Variants in ANKRD13C observed in about 807,000 individuals in gnomAD.
ANKRD13C encodes the protein ankyrin repeat domain 13C, also known as ankyrin repeat domain-containing protein 13C.
Under a neutral mutation model 65.5 loss-of-function variants are expected in ANKRD13C, and 16 were observed. The observed-to-expected ratio is 0.24, with a 90% CI of 0.17 to 0.37. ANKRD13C has a LOEUF of 0.37. Among genes scored for constraint, ANKRD13C ranks in the 10% least tolerant of loss-of-function variants. ANKRD13C has a pLI of 1.00. For synonymous variants in ANKRD13C, 235 were observed against 238.7 expected, an observed-to-expected ratio of 0.98 and a Z score of 0.14; for missense variants, 503 against 655.9, an observed-to-expected ratio of 0.77 and a Z score of 2.55.
rs1282454964 is a variant in ANKRD13C at position 70,352,027 on chromosome 1, A to G, written c.430+1952T>C. Among the ~76,000 whole-genome samples the G allele has an allele frequency of 3.3e-5, 5 of 152,112 alleles. No homozygotes were observed. In the East Asian group the frequency reaches 9.6e-4, roughly 29 times the overall value. The stretch of plus-strand genomic sequence containing the variant: ...TGATATAAGGTCAGCTAAACACAAT[A>G]AAAACCTTCCTTTAAAAAAGTGAAT... On this transcript the variant is annotated intron_variant, in intron 1 of 12. Coordinates refer to ENST00000370944, the MANE Select transcript of ANKRD13C (RefSeq NM_030816.5).
intron 5 of ANKRD13C, among the ~76,000 whole-genome samples, chr1:70,308,178 A>T (rs1422828869): frequency 6.6e-6 from 1 of 152,022 alleles, no homozygotes; most frequent in Non-Finnish European, 1.5e-5. Flanking sequence ...TTATTTTTTT[A>T]AAGACGGGGG....
chr1:70,320,610 T>C (rs770420409), intron 3 of ANKRD13C, among the ~76,000 whole-genome samples: 3 of 150,958 alleles, frequency 2.0e-5, no homozygotes, highest in African/African-American at 7.3e-5. Flanking sequence ...GCTGGGATTA[T>C]AGGCATGCCC....
chr1:70,303,345 A>G (rs543578601), intron 6 of ANKRD13C, among the ~76,000 whole-genome samples: 1 of 152,334 alleles, frequency 6.6e-6, no homozygotes, highest in Admixed American at 6.5e-5. Context: ...GTAATTAGCC[A>G]TGAAGAACAA....
rs1212921334 is a variant in ANKRD13C at position 70,262,528 on chromosome 1, A to C, written c.*189T>G. ...TATGTATATTTTTAAAAAGACAAAA[A>C]ATGGCACATCAGAAAACTCGCTGAA... On this transcript the variant is annotated 3_prime_UTR_variant, in exon 13 of 13. Coordinates refer to ENST00000370944, the MANE Select transcript of ANKRD13C (RefSeq NM_030816.5). The C allele has an allele frequency of 4.3e-6, 2 of 470,046 alleles. No homozygotes were observed. Among genetic ancestry groups the C allele is most frequent in the Non-Finnish European group, 7.1e-6 (2 of 280,420 alleles). The allele number at this position is 470,046 out of a possible 1,614,324, so 29.1% of individuals were successfully genotyped here.
At chr1:70,345,156 G>A (rs1056585449) in intron 1 of ANKRD13C, among the ~76,000 whole-genome samples, 19 of 152,024 alleles carry the variant, frequency 1.2e-4, no homozygotes, top group African/African-American at 2.4e-4. Context: ...ACAGCTGGGC[G>A]CGGTGGCTCA....
At chr1:70,310,013 A>T (rs1449568265) in intron 5 of ANKRD13C, among the ~76,000 whole-genome samples, 1 of 152,166 alleles carries the variant, frequency 6.6e-6, no homozygotes, top group South Asian at 2.1e-4. Flanking sequence ...AATAAAGCTC[A>T]GAAAACATAT....
intron 1 of ANKRD13C, among the ~76,000 whole-genome samples, chr1:70,344,143 C>A (rs1682427381): frequency 6.6e-6 from 1 of 151,770 alleles, no homozygotes; most frequent in African/African-American, 2.4e-5. Context: ...ACTAAAAATA[C>A]AAAAATCAGC....
intron 1 of ANKRD13C, among the ~76,000 whole-genome samples, chr1:70,339,134 C>A (rs1223628035): frequency 1.3e-5 from 2 of 150,212 alleles, no homozygotes; most frequent in South Asian, 2.1e-4. Context: ...CGCTTGAGTC[C>A]GGGTGGCAGA....
chr1:70,286,756 C>T (rs1679639151), intron 9 of ANKRD13C, among the ~76,000 whole-genome samples: 1 of 152,146 alleles, frequency 6.6e-6, no homozygotes, highest in South Asian at 2.1e-4. Context: ...GAGGTCGAGG[C>T]AGGCAGATGA....
At position 70,324,914 on chromosome 1, in the gene ANKRD13C, C is replaced by T; in HGVS notation, c.516G>A (p.Val172=). 6.2e-7 allele frequency: 1 copy of T among 1,611,732 alleles called. No homozygotes were observed. The highest frequency in any genetic ancestry group is 8.5e-7 in the Non-Finnish European group (1 of 1,178,658). The change falls in exon 3 of 13, where the codon GTG becomes GTA. Residue 172 remains valine, a synonymous_variant. Coordinates refer to ENST00000370944, the MANE Select transcript of ANKRD13C (RefSeq NM_030816.5). The stretch of plus-strand genomic sequence containing the variant: ...GAGGGCTCCATCCCTGAGCATTTTT[C>T]ACCTTGACTGGAGCATTGTGAGCCA... ...LLLAHNAPVK[V]KNAQGWSPLA...
At chr1:70,311,401 G>A (rs1680844023) in intron 5 of ANKRD13C, among the ~76,000 whole-genome samples, 1 of 152,168 alleles carries the variant, frequency 6.6e-6, no homozygotes, top group South Asian at 2.1e-4. Context: ...CTTGAACCCA[G>A]GAGGTGGAGG....
intron 7 of ANKRD13C, 43 bp downstream of exon 7, chr1:70,300,721 T>C: frequency 6.7e-7 from 1 of 1,492,992 alleles, no homozygotes; most frequent in Non-Finnish European, 8.9e-7. Context: ...CTATACTTTT[T>C]TTTTAATGAT....
At chr1:70,292,100 C>T in intron 9 of ANKRD13C, 1 of 172,962 alleles carries the variant, frequency 5.8e-6, no homozygotes, top group Non-Finnish European at 1.2e-5. Flanking sequence ...GCCTGGGCAA[C>T]ACAGCAAGAA....
chr1:70,270,046 A>G (rs568468744), intron 12 of ANKRD13C, among the ~76,000 whole-genome samples: 26 of 152,344 alleles, frequency 1.7e-4, no homozygotes, highest in South Asian at 4.1e-4. Flanking sequence ...AAAGAAAACT[A>G]TATGCAAAAA....
In ANKRD13C at chr1:70,315,528, C is replaced by G. The variant is rs150583657; in HGVS notation, c.616G>C (p.Glu206Gln). 1 of 1,608,774 alleles carries G rather than the reference C, an allele frequency of 6.2e-7. No homozygotes were observed. The highest frequency in any genetic ancestry group is 1.3e-5 in the African/African-American group (1 of 74,864). ...LLRKLKQQSR[E>Q]SVEEKRPRLL... The stretch of plus-strand genomic sequence containing the variant: ...CGAGGTCGTTTTTCTTCAACACTTT[C>G]CCTGGATTGCTGCTTAAGCTTCCTC... Residue 206 changes from glutamate (E) to glutamine (Q), a missense_variant, in exon 4 of 13, where the codon GAA becomes CAA. This residue lies in a region of ANKRD13C where 300 missense variants were observed against 478.3 expected (regional missense o/e 0.63). Coordinates refer to ENST00000370944, the MANE Select transcript of ANKRD13C (RefSeq NM_030816.5).
At chr1:70,340,827 T>C (rs890389650) in intron 1 of ANKRD13C, among the ~76,000 whole-genome samples, 13 of 152,100 alleles carry the variant, frequency 8.5e-5, no homozygotes, top group African/African-American at 1.2e-4. Context: ...TTAAAACCTA[T>C]TGGGGGCGGG....
At chr1:70,295,317 G>C (rs913979979) in intron 8 of ANKRD13C, among the ~76,000 whole-genome samples, 12 of 151,342 alleles carry the variant, frequency 7.9e-5, no homozygotes, top group Non-Finnish European at 1.6e-4. Context: ...GTGCCATCTC[G>C]GCTCACTGTA....
Position 70,262,701 on chromosome 1 carries a change from T to A in ANKRD13C, c.*16A>T, listed in dbSNP as rs1678434503. 6.2e-7 allele frequency: 1 copy of A among 1,609,420 alleles called. No individual in the cohort carries two copies. Among genetic ancestry groups the A allele is most frequent in the Non-Finnish European group, 8.5e-7 (1 of 1,177,134 alleles). On this transcript the variant is annotated 3_prime_UTR_variant, in exon 13 of 13. Coordinates refer to ENST00000370944, the MANE Select transcript of ANKRD13C (RefSeq NM_030816.5). Reference sequence around the variant, plus strand: ...ATTTTCTTTCCTTGGTTAGACGGCATCCTTTTCCACGTCAGTTAAAGATCA... The same window carrying A: ...ATTTTCTTTCCTTGGTTAGACGGCAACCTTTTCCACGTCAGTTAAAGATCA...
At chr1:70,313,646 A>G (rs1680943690) in intron 5 of ANKRD13C, 99 bp downstream of exon 5, 1 of 881,062 alleles carries the variant, frequency 1.1e-6, no homozygotes, top group East Asian at 2.5e-5. Context: ...CACAGCAAGT[A>G]TTAAATTTGT....
Sources: gnomAD v4.1 joint callset for allele counts (sites outside exome capture counted in the v4.1 genomes callset) on GRCh38, gnomAD v4.1.1 for gene constraint, gnomAD v4.1.1 regional missense constraint, MANE v1.5 for transcripts, NCBI Gene and HGNC (gene_info 2026-07-23, HGNC 2026-07-21) for gene names.